Variants in NRG1 observed in about 807,000 individuals in gnomAD.
The protein encoded by NRG1 is pro-neuregulin-1, membrane-bound isoform.
NRG1 carries 18 observed loss-of-function variants against 63.8 expected under a neutral mutation model. The ratio of observed to expected loss-of-function variants is 0.28; its 90% confidence interval spans 0.19 to 0.42. NRG1 has a LOEUF of 0.42. Among genes scored for constraint, NRG1 ranks in the 10% least tolerant of loss-of-function variants. NRG1 has a pLI of 1.00. For synonymous variants in NRG1, 302 were observed against 301.3 expected, an observed-to-expected ratio of 1.00 and a Z score of -0.02; for missense variants, 762 against 814.7, an observed-to-expected ratio of 0.94 and a Z score of 0.79.
chr8:32,737,981 T>C (rs1825508611), intron 6 of NRG1, among the ~76,000 whole-genome samples: 1 of 152,114 alleles, frequency 6.6e-6, no homozygotes, highest in Non-Finnish European at 1.5e-5. Flanking sequence ...CCTGAAAGTC[T>C]CCTTTGATAC....
rs561387826 is a variant in NRG1, at chr8:31,897,845, T to C, written c.37+258414T>C. 1.9e-3 allele frequency among the ~76,000 whole-genome samples: 262 copies of C among 138,688 alleles called. 1 individual carries two copies. Among genetic ancestry groups the C allele is most frequent in the African/African-American group, 7.2e-3 (255 of 35,534 alleles). 91.0% of individuals were successfully genotyped at this position (138,688 alleles called of 152,430 possible). A position where few individuals can be genotyped will look rare whatever the true frequency, so the allele number is the denominator to read the frequency against. On this transcript the variant is annotated intron_variant, in intron 1 of 10. Coordinates refer to the NRG1 transcript ENST00000519301. ...GCCTGGCCAACATGTTGAAACCCTA[T>C]TTCTACTAAAAATACAAAAAAAAAA...
At chr8:32,729,403 T>G (rs1298685152) in intron 6 of NRG1, among the ~76,000 whole-genome samples, 1 of 152,230 alleles carries the variant, frequency 6.6e-6, no homozygotes, top group African/African-American at 2.4e-5. Flanking sequence ...AAAAATGTAA[T>G]GTAGAACATC....
At chr8:32,294,272 G>A (rs1193206654) in intron 1 of NRG1, among the ~76,000 whole-genome samples, 1 of 151,880 alleles carries the variant, frequency 6.6e-6, no homozygotes, top group Non-Finnish European at 1.5e-5. Context: ...TTAGTCAACT[G>A]TTGTATAAAT....
chr8:31,855,774 C>A (rs1402411368), intron 1 of NRG1, among the ~76,000 whole-genome samples: 5 of 152,092 alleles, frequency 3.3e-5, no homozygotes, highest in South Asian at 2.1e-4. Context: ...TCATGTTTAG[C>A]GCTTCCTTCA....
At chr8:31,700,550 T>C (rs1429842227) in intron 1 of NRG1, among the ~76,000 whole-genome samples, 3 of 152,114 alleles carry the variant, frequency 2.0e-5, no homozygotes, top group South Asian at 4.1e-4. Flanking sequence ...CTCCTAGATA[T>C]TGAGGCATCT....
At chr8:31,993,579 A>C (rs1586331074) in intron 1 of NRG1, among the ~76,000 whole-genome samples, 1 of 152,004 alleles carries the variant, frequency 6.6e-6, no homozygotes, top group African/African-American at 2.4e-5. Context: ...TGTGTAAGAC[A>C]TCCCTTTTCT....
chr8:31,932,182 T>C (rs943829904), intron 1 of NRG1, among the ~76,000 whole-genome samples: 3 of 151,946 alleles, frequency 2.0e-5, no homozygotes, highest in African/African-American at 7.2e-5. Flanking sequence ...TTACAGCATG[T>C]GTTACAAATT....
intron 1 of NRG1, among the ~76,000 whole-genome samples, chr8:32,104,531 G>A (rs1831008704): frequency 6.6e-6 from 1 of 151,978 alleles, no homozygotes; most frequent in South Asian, 2.1e-4. Context: ...TTAGCTTACT[G>A]TAACTTTCTG....
At chr8:31,851,673 A>G (rs912100524) in intron 1 of NRG1, among the ~76,000 whole-genome samples, 2 of 151,630 alleles carry the variant, frequency 1.3e-5, no homozygotes, top group Non-Finnish European at 2.9e-5. Context: ...TTAGTTACAT[A>G]TGTATACATG....
chr8:32,105,031 TC>T (rs1333566307), intron 1 of NRG1, among the ~76,000 whole-genome samples: 2 of 152,238 alleles, frequency 1.3e-5, no homozygotes, highest in East Asian at 3.9e-4. Flanking sequence ...TAATATGTAC[TC>T]CATATAATTG....
chr8:32,080,380 A>C (rs193229813), intron 1 of NRG1, among the ~76,000 whole-genome samples: 125 of 152,302 alleles, frequency 8.2e-4, no homozygotes, highest in Non-Finnish European at 1.6e-3. Flanking sequence ...GAAGTTGCTG[A>C]GCAGAAGGTG....
At chr8:32,752,535 A>G (rs1042967616) in intron 7 of NRG1, among the ~76,000 whole-genome samples, 2 of 152,156 alleles carry the variant, frequency 1.3e-5, no homozygotes, top group Admixed American at 6.6e-5. Flanking sequence ...GTTATGCTGT[A>G]TGGAATGACC....
At chr8:32,748,339 GCACA>G (rs879033032) in intron 7 of NRG1, among the ~76,000 whole-genome samples, 2 of 128,356 alleles carry the variant, frequency 1.6e-5, no homozygotes, top group South Asian at 2.9e-4. Flanking sequence ...GCGCGCGCGC[GCACA>G]CACACACACA....
chr8:32,066,126 T>C (rs1375115075), intron 1 of NRG1, among the ~76,000 whole-genome samples: 10 of 152,156 alleles, frequency 6.6e-5, no homozygotes, highest in Non-Finnish European at 1.5e-4. Flanking sequence ...TTTTCTCCCA[T>C]TCTGTAGGTT....
chr8:32,330,449 G>A (rs1802514064), intron 1 of NRG1, among the ~76,000 whole-genome samples: 1 of 152,190 alleles, frequency 6.6e-6, no homozygotes, highest in South Asian at 2.1e-4. Flanking sequence ...ATTGGGGAGT[G>A]TTCTCAGGAA....
At chr8:32,522,075 G>A (rs1830396587) in intron 1 of NRG1, among the ~76,000 whole-genome samples, 1 of 152,168 alleles carries the variant, frequency 6.6e-6, no homozygotes, top group African/African-American at 2.4e-5. Context: ...TCTCCATTGT[G>A]AGTATTTCTT....
intron 1 of NRG1, among the ~76,000 whole-genome samples, chr8:31,964,843 C>A (rs1406329098): frequency 1.3e-5 from 2 of 152,142 alleles, no homozygotes; most frequent in Non-Finnish European, 2.9e-5. Flanking sequence ...TCTAGAGACA[C>A]CCAGCTGATA....
chr8:32,660,824 T>A (rs2128873753), intron 5 of NRG1, among the ~76,000 whole-genome samples: 1 of 152,336 alleles, frequency 6.6e-6, no homozygotes, highest in Non-Finnish European at 1.5e-5. Context: ...TAGCGCTATA[T>A]AAGCATGAGC....
At chr8:31,868,859 C>T (rs766157980) in intron 1 of NRG1, among the ~76,000 whole-genome samples, 4 of 152,140 alleles carry the variant, frequency 2.6e-5, no homozygotes, top group African/African-American at 4.8e-5. Context: ...AATCAACTTG[C>T]GTCTATATGA....
Sources: gnomAD v4.1 joint callset for allele counts (sites outside exome capture counted in the v4.1 genomes callset) on GRCh38, gnomAD v4.1.1 for gene constraint, MANE v1.5 for transcripts, NCBI Gene and HGNC (gene_info 2026-07-23, HGNC 2026-07-21) for gene names.